The following GOSR1 variants were observed in gnomAD, a reference collection of about 807,000 sequenced individuals.
GOSR1 encodes golgi SNAP receptor complex member 1.
A neutral mutation model predicts 35.5 loss-of-function variants in GOSR1; 21 were observed. That is an observed-to-expected ratio of 0.59 (90% CI 0.42 to 0.85). GOSR1 has a LOEUF of 0.85. Ranked by LOEUF, GOSR1 falls within the 40% of genes least tolerant of loss-of-function variation. The probability of loss-of-function intolerance (pLI) is 0.00; values close to 1 mark genes in which losing one functional copy is unlikely to be tolerated. For synonymous variants in GOSR1, 94 were observed against 106.6 expected (o/e 0.88, Z 0.73); for missense variants, 285 against 309.6 (o/e 0.92, Z 0.60).
In GOSR1 at chr17:30,524,418, GGAGA is replaced by G. The variant is rs1241447965; in HGVS notation, c.*2041_*2044del. The G allele has an allele frequency of 2.6e-5, 4 of 152,128 alleles. No homozygotes were observed. Among genetic ancestry groups the G allele is most frequent in the African/African-American group, 9.7e-5 (4 of 41,420 alleles). 9.4% of individuals were successfully genotyped at this position (152,128 alleles called of 1,614,324 possible). A position where few individuals can be genotyped will look rare whatever the true frequency, so the allele number is the denominator to read the frequency against. ...CAGCATGTTTGAGGTTGTCTGAAAT[GGAGA>G]TCACTGTAAAACTGTCTTTTTCTTT... On this transcript the variant is annotated 3_prime_UTR_variant, in exon 9 of 9. Coordinates refer to ENST00000451249, the MANE Select transcript of GOSR1 (RefSeq NM_001007025.2).
intron 7 of GOSR1, among the ~76,000 whole-genome samples, chr17:30,516,176 T>C (rs974588737): frequency 7.3e-5 from 11 of 151,298 alleles, no homozygotes; most frequent in African/African-American, 2.7e-4. Context: ...CTAAAACGGA[T>C]AAAGAAAAAG....
chr17:30,490,618 C>T (rs759553581), intron 5 of GOSR1, among the ~76,000 whole-genome samples: 5 of 152,132 alleles, frequency 3.3e-5, no homozygotes, highest in Non-Finnish European at 7.4e-5. Context: ...CTATGTTTCT[C>T]TTCCTGATTA....
At chr17:30,498,359 C>T (rs966222995) in intron 6 of GOSR1, among the ~76,000 whole-genome samples, 3 of 152,004 alleles carry the variant, frequency 2.0e-5, no homozygotes, top group Non-Finnish European at 2.9e-5. Context: ...CATCCCTGTC[C>T]TCAGTGAGCT....
intron 8 of GOSR1, among the ~76,000 whole-genome samples, chr17:30,521,667 G>A (rs960746831): frequency 2.0e-5 from 3 of 151,858 alleles, no homozygotes; most frequent in Non-Finnish European, 4.4e-5. Context: ...TCTGCCTTCT[G>A]CTGCGAAGTA....
chr17:30,522,392 G>A lies in GOSR1; in HGVS notation c.*14G>A. ...GCGTTCCATTGATGGGACATCTTCA[G>A]GGACTCTTGACAGCCACCGCTTTCA... is the stretch of plus-strand genomic sequence containing the variant. On this transcript the variant is annotated 3_prime_UTR_variant, in exon 9 of 9. Transcript: ENST00000451249. The A allele has an allele frequency of 6.5e-7, 1 of 1,549,146 alleles. No individual in the cohort carries two copies. Among genetic ancestry groups the A allele is most frequent in the South Asian group, 1.2e-5 (1 of 80,004 alleles).
At chr17:30,507,498 G>A (rs930211219) in intron 6 of GOSR1, among the ~76,000 whole-genome samples, 7 of 152,124 alleles carry the variant, frequency 4.6e-5, no homozygotes, top group East Asian at 1.9e-4. Context: ...CAAGAGGAGC[G>A]GATCACCCGA....
chr17:30,520,986 T>C (rs1968009788), intron 8 of GOSR1, among the ~76,000 whole-genome samples: 1 of 152,176 alleles, frequency 6.6e-6, no homozygotes, highest in African/African-American at 2.4e-5. Context: ...AGCTGATCAG[T>C]GAATTTAAGA....
chr17:30,520,222 GTTTCTTACT>G (rs1967975606), intron 8 of GOSR1: 1 of 448,124 alleles, frequency 2.2e-6, no homozygotes, highest in Non-Finnish European at 4.0e-6. Flanking sequence ...CACCTCAGAA[GTTTCTTACT>G]ACTAGATGTA....
At chr17:30,493,447 CT>C (rs1966884135) in intron 6 of GOSR1, among the ~76,000 whole-genome samples, 1 of 152,130 alleles carries the variant, frequency 6.6e-6, no homozygotes, top group Non-Finnish European at 1.5e-5. Context: ...CTAAATACTT[CT>C]CTTAAATCAA....
At chr17:30,484,499 G>T (rs1914550539) in intron 3 of GOSR1, among the ~76,000 whole-genome samples, 164 bp from the exon 4 acceptor site, 1 of 151,458 alleles carries the variant, frequency 6.6e-6, no homozygotes, top group Non-Finnish European at 1.5e-5. Flanking sequence ...GGATTATGTG[G>T]GGGAATGCTG....
chr17:30,515,435 C>T (rs1178445875), intron 7 of GOSR1, among the ~76,000 whole-genome samples: 1 of 151,958 alleles, frequency 6.6e-6, no homozygotes, highest in Non-Finnish European at 1.5e-5. Context: ...CGTGATCAGG[C>T]GGACCTGGCT....
rs1210396223 is a variant in GOSR1, at chr17:30,492,773, G to T, written c.509+20G>T. Reference sequence around the variant, plus strand: ...TCGAAAGTAGGTATTGAATGTATGTGCATTATGTGGTTTTCCACGTTTATT... The same window carrying T: ...TCGAAAGTAGGTATTGAATGTATGTTCATTATGTGGTTTTCCACGTTTATT... On this transcript the variant is annotated intron_variant, in intron 6 of 8. Coordinates refer to ENST00000451249, the MANE Select transcript of GOSR1 (RefSeq NM_001007025.2). 1 of 1,394,864 alleles carries T rather than the reference G, an allele frequency of 7.2e-7. No individual in the cohort carries two copies. Among genetic ancestry groups the T allele is most frequent in the Admixed American group, 1.7e-5 (1 of 58,748 alleles). The allele number at this position is 1,394,864 out of a possible 1,614,324, so 86.4% of individuals were successfully genotyped here. A position where few individuals can be genotyped will look rare whatever the true frequency, so the allele number is the denominator to read the frequency against.
chr17:30,519,036 C>A (rs9895966), intron 7 of GOSR1, among the ~76,000 whole-genome samples: 90,468 of 151,786 alleles, frequency 0.6, 27,940 homozygotes, highest in East Asian at 0.83. Context: ...TGTGTTCGAC[C>A]AAAAGTGACT....
Position 30,525,336 on chromosome 17 carries a change from T to C in GOSR1, c.*2958T>C, listed in dbSNP as rs1023525105. ...TGAAGGGCATTTGATATATTTTTCT[T>C]AACTATGGGGTTTATTTTTCTAAAT... On this transcript the variant is annotated 3_prime_UTR_variant, in exon 9 of 9. Coordinates refer to ENST00000451249, the MANE Select transcript of GOSR1 (RefSeq NM_001007025.2). 1 of 152,254 alleles carries C rather than the reference T, an allele frequency of 6.6e-6. No homozygotes were observed. Among genetic ancestry groups the C allele is most frequent in the Non-Finnish European group, 1.5e-5 (1 of 68,054 alleles). The allele number at this position is 152,254 out of a possible 1,614,324, so 9.4% of individuals were successfully genotyped here. A position where few individuals can be genotyped will look rare whatever the true frequency, so the allele number is the denominator to read the frequency against.
chr17:30,522,254 A>T lies in GOSR1; in HGVS notation c.623A>T (p.Asn208Ile), dbSNP rs1299331014. The T allele has an allele frequency of 4.0e-5, 64 of 1,598,484 alleles. No homozygotes were observed. The highest frequency in any genetic ancestry group is 5.4e-5 in the Non-Finnish European group (63 of 1,174,158). ...SIHSKMNTLA[N>I]RFPAVNSLIQ... ...TGACCTTAATAAAGATTTCCCAAAGATCGTTTTCCTGCTGTAAACAGCCTG... is the reference window on the plus strand; with the variant it reads ...TGACCTTAATAAAGATTTCCCAAAGTTCGTTTTCCTGCTGTAAACAGCCTG... The change falls in exon 9 of 9, where the codon AAT becomes ATT. Residue 208 changes from asparagine to isoleucine, a missense_variant and splice_region_variant. Physicochemically the swap from Asn to Ile is moderately radical, Grantham distance 149. This residue lies in a region of GOSR1 where 168 missense variants were observed against 183.2 expected (regional missense o/e 0.92). Transcript: ENST00000451249.
Position 30,511,650 on chromosome 17 carries a change from C to G in GOSR1, c.539+741C>G, listed in dbSNP as rs192817261. Among the ~76,000 whole-genome samples, 16 of 152,152 alleles carry G rather than the reference C, an allele frequency of 1.1e-4. No homozygotes were observed. In the East Asian group the frequency reaches 3.1e-3, roughly 29 times the overall value. The stretch of plus-strand genomic sequence containing the variant: ...GTTCAAGTGATTCTCCTGCCTCAGG[C>G]TCCTGAGTAGCTGGGATTTCAGGTG... On this transcript the variant is annotated intron_variant, in intron 7 of 8. Coordinates refer to ENST00000451249, the MANE Select transcript of GOSR1 (RefSeq NM_001007025.2).
chr17:30,502,470 A>C (rs1967246111), intron 6 of GOSR1, among the ~76,000 whole-genome samples: 1 of 152,236 alleles, frequency 6.6e-6, no homozygotes. Flanking sequence ...TATGTCTAAA[A>C]TTGTTCTAGC....
intron 4 of GOSR1, chr17:30,485,088 C>T (rs954134354): frequency 2.9e-5 from 11 of 385,766 alleles, no homozygotes; most frequent in Non-Finnish European, 3.9e-5. Context: ...TAGACAATAA[C>T]GTGGTGGGTA....
chr17:30,510,729 T>TA lies in GOSR1; in HGVS notation c.510-150dup, dbSNP rs781044355. 179 of 516,484 alleles carry TA rather than the reference T, an allele frequency of 3.5e-4. 1 individual carries two copies. The highest frequency in any genetic ancestry group is 5.0e-4 in the Non-Finnish European group (142 of 283,750). 32.0% of individuals were successfully genotyped at this position (516,484 alleles called of 1,614,324 possible). On this transcript the variant is annotated intron_variant, in intron 6 of 8. Transcript: ENST00000451249. ...ACTCTGTCTTAAAAAAGAAAAAAATTAGAGTCCAGAATTTTCTCCAGATGC... is the reference window on the plus strand; with the variant it reads ...ACTCTGTCTTAAAAAAGAAAAAAATTAAGAGTCCAGAATTTTCTCCAGATGC...
Sources: gnomAD v4.1 joint callset for allele counts (sites outside exome capture counted in the v4.1 genomes callset) on GRCh38, gnomAD v4.1.1 for gene constraint, gnomAD v4.1.1 regional missense constraint, MANE v1.5 for transcripts, NCBI Gene and HGNC (gene_info 2026-07-23, HGNC 2026-07-21) for gene names.